RNF213: variants seen among roughly 807,000 people sequenced by gnomAD.
RNF213 encodes the protein E3 ubiquitin-protein ligase RNF213.
Under a neutral mutation model 514.4 loss-of-function variants are expected in RNF213, and 341 were observed. The ratio of observed to expected loss-of-function variants is 0.66; its 90% CI spans 0.61 to 0.73. The LOEUF is 0.73. RNF213 is among the 30% of genes least tolerant of loss of function. The pLI, the probability that RNF213 is intolerant of heterozygous loss-of-function variation, is 0.00. For synonymous variants in RNF213, 2,655 were observed against 2,658.2 expected, an observed-to-expected ratio of 1.00 and a Z score of 0.04; for missense variants, 5,767 against 6,615.6, an observed-to-expected ratio of 0.87 and a Z score of 4.45.
At chr17:80,333,843 G>T in intron 21 of RNF213, 1 of 469,342 alleles carries the variant, frequency 2.1e-6, no homozygotes, top group Non-Finnish European at 3.9e-6. Flanking sequence ...GTGAGGAATT[G>T]ATTTTAAAAT....
intron 18 of RNF213, 77 bp from the exon 19 acceptor site, chr17:80,327,739 C>T: frequency 1.5e-6 from 2 of 1,293,350 alleles, no homozygotes; most frequent in Non-Finnish European, 2.1e-6. Context: ...AAGAGGTTAT[C>T]TGGAATTCCC....
Position 80,295,755 on chromosome 17 carries a change from G to C in RNF213, c.1954G>C (p.Ala652Pro), listed in dbSNP as rs776826990. 13 of 1,614,132 alleles carry C rather than the reference G, an allele frequency of 8.1e-6. 1 individual carries two copies. The South Asian group carries it at 1.4e-4, about 18-fold the overall frequency. ...GTTGTGTCACCTCCTAACCTCAGATGCCAGCTCACCAGATGAGTTTCACCG... is the reference window on the plus strand; with the variant it reads ...GTTGTGTCACCTCCTAACCTCAGATCCCAGCTCACCAGATGAGTTTCACCG... ...DWLCHLLTSD[A>P]SSPDEFHRDL... The change falls in exon 10 of 68, where the codon GCC becomes CCC. Residue 652 changes from alanine (A) to proline (P), a missense_variant. Ala to Pro is a conservative substitution (Grantham distance 27, BLOSUM62 -1). Around this residue, in one of 13 missense-constraint regions of RNF213, gnomAD observed 592 missense variants for 673.9 expected, o/e 0.88. Coordinates refer to ENST00000582970, the MANE Select transcript of RNF213 (RefSeq NM_001256071.3).
intron 67 of RNF213, among the ~76,000 whole-genome samples, chr17:80,392,699 C>T (rs1295607629): frequency 1.3e-5 from 2 of 151,896 alleles, no homozygotes; most frequent in East Asian, 3.9e-4. Flanking sequence ...AAGTGATTTT[C>T]CTGCCTCAGC....
In RNF213 at chr17:80,351,822, T is replaced by C; in HGVS notation, c.10303+19T>C. 1 of 1,214,030 alleles carries C rather than the reference T, an allele frequency of 8.2e-7. No individual in the cohort carries two copies. The highest frequency in any genetic ancestry group is 1.2e-6 in the Non-Finnish European group (1 of 815,340). 75.2% of individuals were successfully genotyped at this position (1,214,030 alleles called of 1,614,324 possible). ...CACGGAGGTGAGATCAGAACATCAG[T>C]CAGGGTATTTATTTATGTATTTATT... On this transcript the variant is annotated intron_variant, in intron 32 of 67. Coordinates refer to ENST00000582970, the MANE Select transcript of RNF213 (RefSeq NM_001256071.3).
intron 36 of RNF213, among the ~76,000 whole-genome samples, chr17:80,357,199 G>C (rs976713199): frequency 2.0e-5 from 3 of 152,188 alleles, no homozygotes; most frequent in African/African-American, 7.2e-5. Context: ...TTAGACGTGA[G>C]CCACCGTGCC....
Position 80,283,149 on chromosome 17 carries a change from A to G in RNF213, c.262-4666A>G, listed in dbSNP as rs532919790. 2.0e-5 allele frequency among the ~76,000 whole-genome samples: 3 copies of G among 152,256 alleles called. No homozygotes were observed. In the South Asian group the frequency reaches 6.2e-4, roughly 32 times the overall value. ...GTAGTTCGAGATTCTGGGTCAAAGAAGACTATGAAACTGTTCAATGGAAAA... is the reference window on the plus strand; with the variant it reads ...GTAGTTCGAGATTCTGGGTCAAAGAGGACTATGAAACTGTTCAATGGAAAA... On this transcript the variant is annotated intron_variant, in intron 3 of 67. Coordinates refer to ENST00000582970, the MANE Select transcript of RNF213 (RefSeq NM_001256071.3).
intron 32 of RNF213, chr17:80,352,485 CTT>C (rs1443548879): frequency 4.0e-6 from 2 of 497,176 alleles, no homozygotes; most frequent in East Asian, 3.3e-5. Flanking sequence ...CTTCAGATCT[CTT>C]TTTTTCCAAG....
rs1053861656 is a variant in RNF213 at position 80,343,107 on chromosome 17, C to T, written c.5990-25C>T. ...ACAGGTGTGAGCCACCACTCCCAGCCCTAATTTCTGTATTAATGTTATAGG... is the reference window on the plus strand; with the variant it reads ...ACAGGTGTGAGCCACCACTCCCAGCTCTAATTTCTGTATTAATGTTATAGG... On this transcript the variant is annotated intron_variant, in intron 26 of 67. Transcript: ENST00000582970. This position sits in a 1 kb window ranked among gnomAD's most constrained non-coding sequence, Gnocchi z 4.3. 2 of 1,597,354 alleles carry T rather than the reference C, an allele frequency of 1.3e-6. No homozygotes were observed. The highest frequency in any genetic ancestry group is 2.2e-5 in the East Asian group (1 of 44,792).
chr17:80,336,015 G>C, intron 22 of RNF213, 146 bp from the exon 23 acceptor site: 1 of 630,042 alleles, frequency 1.6e-6, no homozygotes, highest in South Asian at 2.1e-5. Context: ...TAGGTGTTCC[G>C]GACTCTTACT....
Position 80,361,862 on chromosome 17 carries a change from C to A in RNF213, c.11329C>A (p.Arg3777Ser). The change falls in exon 39 of 68, where the codon CGT becomes AGT. Residue 3777 changes from arginine (R) to serine (S), a missense_variant. Physicochemically the swap from Arg to Ser is moderately radical, Grantham distance 110. Around this residue, in one of 13 missense-constraint regions of RNF213, gnomAD observed 355 missense variants for 358.0 expected, o/e 0.99. Coordinates refer to ENST00000582970, the MANE Select transcript of RNF213 (RefSeq NM_001256071.3). ...GAAGGATTTCATTCTCTTGACCATG[C>A]GTGTGTCAACGGAGGAGGAATTAAA... ...YLKDFILLTM[R>S]VSTEEELKFL... is the part of the protein sequence containing the mutation. 1.2e-6 allele frequency: 2 copies of A among 1,613,196 alleles called. No homozygotes were observed. Among genetic ancestry groups the A allele is most frequent in the African/African-American group, 1.3e-5 (1 of 75,014 alleles).
At position 80,332,500 on chromosome 17, in the gene RNF213, G is replaced by C. The variant is rs1217536734; in HGVS notation, c.4012G>C (p.Asp1338His). ...CCAGGACCAAAGAGATTGGATCAAG[G>C]ACCGAGTCGAACAGATCAAGGAATA... is the stretch of plus-strand genomic sequence containing the variant. ...DHQDQRDWIK[D>H]RVEQIKEYHH... The change falls in exon 21 of 68, where the codon GAC becomes CAC. Residue 1338 changes from aspartate (D) to histidine (H), a missense_variant. Physicochemically the swap from Asp to His is moderately conservative, Grantham distance 81. Around this residue, in one of 13 missense-constraint regions of RNF213, gnomAD observed 516 missense variants for 566.5 expected, o/e 0.91. Transcript: ENST00000582970. 3 of 1,537,138 alleles carry C rather than the reference G, an allele frequency of 2.0e-6. No individual in the cohort carries two copies. Among genetic ancestry groups the C allele is most frequent in the East Asian group, 4.9e-5 (2 of 40,918 alleles).
At position 80,271,760 on chromosome 17, in the gene RNF213, C is replaced by G. The variant is rs574194266; in HGVS notation, c.98-1481C>G. Among the ~76,000 whole-genome samples the G allele has an allele frequency of 6.2e-4, 93 of 150,548 alleles. 1 individual carries two copies. Among genetic ancestry groups the G allele is most frequent in the African/African-American group, 2.2e-3 (91 of 40,968 alleles). ...TTGGGAGGCCGAGGTGGGCGGATCA[C>G]GAGGTCAGGAGTTCAAGACCAGCCT... On this transcript the variant is annotated intron_variant, in intron 2 of 67. Transcript: ENST00000582970.
At chr17:80,285,119 G>A (rs2044425557) in intron 3 of RNF213, among the ~76,000 whole-genome samples, 1 of 152,248 alleles carries the variant, frequency 6.6e-6, no homozygotes, top group Non-Finnish European at 1.5e-5. Context: ...CATGACCACA[G>A]CATCACTGAT....
intron 11 of RNF213, among the ~76,000 whole-genome samples, chr17:80,299,211 T>A (rs1429691841): frequency 7.5e-5 from 7 of 93,686 alleles, no homozygotes; most frequent in African/African-American, 3.2e-4. Context: ...CAAATTCTTG[T>A]CTATGTCTTA....
intron 36 of RNF213, among the ~76,000 whole-genome samples, chr17:80,357,097 A>G: frequency 6.6e-6 from 1 of 151,894 alleles, no homozygotes; most frequent in Non-Finnish European, 1.5e-5. Flanking sequence ...TTGTATTTTT[A>G]GTAGAGACGG....
At chr17:80,327,023 G>T (rs2046298007) in intron 18 of RNF213, among the ~76,000 whole-genome samples, 1 of 152,162 alleles carries the variant, frequency 6.6e-6, no homozygotes, top group Non-Finnish European at 1.5e-5. Flanking sequence ...TAATGAAGTT[G>T]TACAGAGTAT....
rs374322197 is a variant in RNF213 at position 80,389,965 on chromosome 17, T to C, written c.15286-47T>C. The C allele has an allele frequency of 6.0e-5, 97 of 1,613,510 alleles. No individual in the cohort carries two copies. The African/African-American group carries it at 1.2e-3, about 20-fold the overall frequency. ...TGCTGGACAGAGGGACTGCGCTCCC[T>C]TCTCCCTGCAGGCTTTAATGCTTCA... On this transcript the variant is annotated intron_variant, in intron 66 of 67. Transcript: ENST00000582970.
Position 80,263,733 on chromosome 17 carries a change from T to G in RNF213, c.52T>G (p.Cys18Gly). The stretch of plus-strand genomic sequence containing the variant: ...CTCCAAGGAGGAAACCCCCAAGTTC[T>G]GCAGCCAGTGCGGAGAGAGGCTGCC... The part of the protein sequence containing the change: ...HVSKEETPKF[C>G]SQCGERLPPA... The change falls in exon 2 of 68, where the codon TGC becomes GGC. Residue 18 changes from cysteine to glycine, a missense_variant. Cys to Gly is a radical substitution (Grantham distance 159). Around this residue, in one of 13 missense-constraint regions of RNF213, gnomAD observed 509 missense variants for 496.7 expected, o/e 1.02. Transcript: ENST00000582970. The surrounding 1 kb of genome is among the most constrained non-coding windows in gnomAD (Gnocchi z 4.9). The G allele has an allele frequency of 6.2e-7, 1 of 1,614,130 alleles. No homozygotes were observed. The highest frequency in any genetic ancestry group is 8.5e-7 in the Non-Finnish European group (1 of 1,180,004).
rs775719348 is a variant in RNF213, at chr17:80,363,755, C to T, written c.11715C>T (p.Ser3905=). 1.2e-5 allele frequency: 19 copies of T among 1,613,566 alleles called. No homozygotes were observed. The highest frequency in any genetic ancestry group is 6.7e-5 in the East Asian group (3 of 44,880). The change falls in exon 41 of 68, where the codon AGC becomes AGT. Residue 3905 remains serine, a synonymous_variant. Coordinates refer to ENST00000582970, the MANE Select transcript of RNF213 (RefSeq NM_001256071.3). ...LICSDEHMQG[S]GSLAQAVIRE... is the part of the protein sequence containing the mutation. ...GCTCCGATGAGCACATGCAAGGCAG[C>T]GGGAGCCTGGCCCAGGCTGTCATCA...
Sources: gnomAD v4.1 joint callset for allele counts (sites outside exome capture counted in the v4.1 genomes callset) on GRCh38, gnomAD v4.1.1 for gene constraint, gnomAD v4.1.1 regional missense constraint, Gnocchi (gnomAD v3.1) non-coding constraint, MANE v1.5 for transcripts, NCBI Gene and HGNC (gene_info 2026-07-23, HGNC 2026-07-21) for gene names.